The following SORL1 variants were observed in gnomAD, a reference collection of about 807,000 sequenced individuals.
The protein encoded by SORL1 is sortilin related receptor 1.
SORL1 carries 127 observed loss-of-function variants against 273.7 expected under a neutral mutation model. The ratio of observed to expected loss-of-function variants is 0.46; its 90% CI spans 0.40 to 0.54. SORL1 has a LOEUF of 0.54. SORL1 is among the 20% of genes least tolerant of loss of function. The pLI is 0.00. For missense variants in SORL1, 2,494 were observed against 2,846.1 expected, an observed-to-expected ratio of 0.88 and a Z score of 2.81; for synonymous variants, 1,031 against 1,067.4, an observed-to-expected ratio of 0.97 and a Z score of 0.66.
chr11:121,557,281 C>A, intron 18 of SORL1, 33 bp from the exon 19 acceptor site: 1 of 1,505,968 alleles, frequency 6.6e-7, no homozygotes, highest in Non-Finnish European at 9.2e-7. Flanking sequence ...AGCTCCGATC[C>A]ATCTCAGCCT....
At chr11:121,542,957 C>T (rs374871149) in intron 12 of SORL1, among the ~76,000 whole-genome samples, 13 of 150,850 alleles carry the variant, frequency 8.6e-5, no homozygotes, top group African/African-American at 3.2e-4. Context: ...GCAGGCGGAT[C>T]ACGAGGTCAG....
At chr11:121,477,139 T>C (rs1861281701) in intron 2 of SORL1, among the ~76,000 whole-genome samples, 1 of 152,162 alleles carries the variant, frequency 6.6e-6, no homozygotes, top group Non-Finnish European at 1.5e-5. Flanking sequence ...ATGAATCATT[T>C]GAAAAATAAC....
chr11:121,519,490 C>A (rs1032397710), intron 8 of SORL1, among the ~76,000 whole-genome samples: 1 of 152,002 alleles, frequency 6.6e-6, no homozygotes, highest in Non-Finnish European at 1.5e-5. Flanking sequence ...CGGCTCACTG[C>A]AAGCTCCGCG....
chr11:121,555,476 G>C lies in SORL1; in HGVS notation c.2571+158G>C, dbSNP rs188957680. 4.5e-3 allele frequency among the ~76,000 whole-genome samples: 680 copies of C among 152,332 alleles called. 2 individuals carry two copies. The highest frequency in any genetic ancestry group is 0.015 in the African/African-American group (644 of 41,576). ...GGACCAGCTGAGCCTCTGGAGAGGA[G>C]AGAAAAGGGGGTAAGTACCTGTGAG... is the stretch of plus-strand genomic sequence containing the variant. On this transcript the variant is annotated intron_variant, in intron 18 of 47. Coordinates refer to ENST00000260197, the MANE Select transcript of SORL1 (RefSeq NM_003105.6).
At chr11:121,576,421 T>A (rs1395991353) in intron 24 of SORL1, among the ~76,000 whole-genome samples, 1 of 152,200 alleles carries the variant, frequency 6.6e-6, no homozygotes, top group Non-Finnish European at 1.5e-5. Flanking sequence ...CTAATCCTAT[T>A]CATGAGGGCT....
At chr11:121,503,463 C>T (rs1239149867) in intron 6 of SORL1, among the ~76,000 whole-genome samples, 2 of 152,024 alleles carry the variant, frequency 1.3e-5, no homozygotes, top group African/African-American at 2.4e-5. Flanking sequence ...AAATTATTTT[C>T]TCATAAATAT....
At chr11:121,458,696 C>G (rs1218593298) in intron 1 of SORL1, among the ~76,000 whole-genome samples, 1 of 152,194 alleles carries the variant, frequency 6.6e-6, no homozygotes, top group Non-Finnish European at 1.5e-5. Context: ...GCTTATCGAC[C>G]TGTGAACCCT....
At chr11:121,555,397 C>G in intron 18 of SORL1, 79 bp downstream of exon 18, 3 of 1,549,578 alleles carry the variant, frequency 1.9e-6, no homozygotes, top group Non-Finnish European at 2.7e-6. Flanking sequence ...GACACAGAGG[C>G]AAGGGCCAGT....
chr11:121,556,837 A>G (rs1862594210), intron 18 of SORL1, among the ~76,000 whole-genome samples: 1 of 152,216 alleles, frequency 6.6e-6, no homozygotes, highest in South Asian at 2.1e-4. Context: ...TGGAGAAGCA[A>G]GAGATGACCA....
chr11:121,452,471 G>A lies in SORL1; in HGVS notation c.140G>A (p.Gly47Asp). The A allele has an allele frequency of 6.6e-7, 1 of 1,505,706 alleles. No homozygotes were observed. The allele number at this position is 1,505,706 out of a possible 1,614,324, so 93.3% of individuals were successfully genotyped here. The stretch of plus-strand genomic sequence containing the variant: ...AGCGCGCCCTTGCCCCAGGACCGGG[G>A]CTTCCTCGTGGTGCAGGGCGACCCG... ...GGSAPLPQDRGFLVVQGDPRE... is the reference protein window; with the variant it reads ...GGSAPLPQDRDFLVVQGDPRE... The change falls in exon 1 of 48, where the codon GGC becomes GAC. Residue 47 changes from glycine to aspartate, a missense_variant. Physicochemically the swap from Gly to Asp is moderately conservative, Grantham distance 94. Transcript: ENST00000260197. The surrounding 1 kb of genome is among the most constrained non-coding windows in gnomAD (Gnocchi z 5.3).
chr11:121,488,689 A>G (rs1350448175), intron 4 of SORL1, among the ~76,000 whole-genome samples: 1 of 152,138 alleles, frequency 6.6e-6, no homozygotes, highest in East Asian at 1.9e-4. Flanking sequence ...AAATGTGTGT[A>G]TTTTCCTCCT....
chr11:121,568,990 T>C (rs1230732701), intron 22 of SORL1, among the ~76,000 whole-genome samples: 1 of 152,220 alleles, frequency 6.6e-6, no homozygotes, highest in Non-Finnish European at 1.5e-5. Context: ...AGGGACCAGC[T>C]GAAGCCATGG....
At chr11:121,601,231 A>G (rs1236163947) in intron 32 of SORL1, among the ~76,000 whole-genome samples, 1 of 134,070 alleles carries the variant, frequency 7.5e-6, no homozygotes, top group Admixed American at 7.4e-5. Flanking sequence ...TGAACTCATC[A>G]TTTTTTATGG....
chr11:121,577,354 C>T lies in SORL1; in HGVS notation c.3534C>T (p.Asp1178=), dbSNP rs766525129. 127 of 1,613,476 alleles carry T rather than the reference C, an allele frequency of 7.9e-5. No homozygotes were observed. Among genetic ancestry groups the T allele is most frequent in the African/African-American group, 1.5e-4 (11 of 75,008 alleles). Residue 1178 remains aspartate (D), a synonymous_variant, in exon 25 of 48, where the codon GAC becomes GAT. Coordinates refer to ENST00000260197, the MANE Select transcript of SORL1 (RefSeq NM_003105.6). ...GCATCCGCTCCTCCTGGGTATGTGA[C>T]GGGGACAACGACTGCAGGGACTGGT... ...GMCIRSSWVC[D]GDNDCRDWSD...
chr11:121,605,439 C>G lies in SORL1; in HGVS notation c.4816C>G (p.His1606Asp). Residue 1606 changes from histidine to aspartate, a missense_variant, in exon 35 of 48, where the codon CAC becomes GAC. Around this residue, in one of 3 missense-constraint regions of SORL1, gnomAD observed 1,609 missense variants for 1,816.4 expected, o/e 0.89. Transcript: ENST00000260197. ...GESIWKTLETHSNKTNTVLKV... is the reference protein window; with the variant it reads ...GESIWKTLETDSNKTNTVLKV... The stretch of plus-strand genomic sequence containing the variant: ...GAGCATATGGAAGACTCTGGAGACC[C>G]ACAGCAATAAGACAAACACTGTATT... 2.5e-6 allele frequency: 4 copies of G among 1,613,774 alleles called. No homozygotes were observed. The highest frequency in any genetic ancestry group is 3.4e-6 in the Non-Finnish European group (4 of 1,179,778).
At chr11:121,614,808 AAG>A in intron 40 of SORL1, 61 bp from the exon 41 acceptor site, 1 of 1,372,944 alleles carries the variant, frequency 7.3e-7, no homozygotes, top group South Asian at 1.2e-5. Flanking sequence ...TGCATGTACC[AAG>A]ACACGTTCTT....
At chr11:121,576,751 G>T in intron 24 of SORL1, 3 of 1,469,076 alleles carry the variant, frequency 2.0e-6, no homozygotes, top group Non-Finnish European at 2.7e-6. Flanking sequence ...TGTCCCTGGA[G>T]CTCTGCCCAC....
chr11:121,531,379 G>A (rs1014439346), intron 11 of SORL1, among the ~76,000 whole-genome samples: 2 of 152,160 alleles, frequency 1.3e-5, no homozygotes, highest in African/African-American at 4.8e-5. Flanking sequence ...GGGCAACAGA[G>A]TGAGAATTTG....
chr11:121,498,679 G>A (rs599161), intron 6 of SORL1, among the ~76,000 whole-genome samples: 58,579 of 151,812 alleles, frequency 0.39, 11,990 homozygotes, highest in East Asian at 0.55. Flanking sequence ...AGTTTGAGAC[G>A]AGCCTGGTCA....
Sources: gnomAD v4.1 joint callset for allele counts (sites outside exome capture counted in the v4.1 genomes callset) on GRCh38, gnomAD v4.1.1 for gene constraint, gnomAD v4.1.1 regional missense constraint, Gnocchi (gnomAD v3.1) non-coding constraint, MANE v1.5 for transcripts, NCBI Gene and HGNC (gene_info 2026-07-23, HGNC 2026-07-21) for gene names.